TAF3: variants seen among roughly 807,000 people sequenced by gnomAD.
TAF3 encodes transcription initiation factor TFIID subunit 3.
Under a neutral mutation model 80.6 loss-of-function variants are expected in TAF3, and 7 were observed. The ratio of observed to expected loss-of-function variants is 0.09; its 90% CI spans 0.05 to 0.16. TAF3 has a LOEUF of 0.16. Ranked by LOEUF, TAF3 falls within the 10% of genes least tolerant of loss-of-function variation. TAF3 has a pLI of 1.00. For synonymous variants in TAF3, 444 were observed against 446.1 expected (o/e 1.00, Z 0.06); for missense variants, 921 against 1,140.2 (o/e 0.81, Z 2.77).
At chr10:7,899,824 T>G (rs1306483974) in intron 2 of TAF3, among the ~76,000 whole-genome samples, 1 of 152,216 alleles carries the variant, frequency 6.6e-6, no homozygotes, top group Non-Finnish European at 1.5e-5. Context: ...TAGTATGATT[T>G]CCATTATGTA....
At chr10:7,968,954 G>C (rs1831597600) in intron 3 of TAF3, among the ~76,000 whole-genome samples, 1 of 152,206 alleles carries the variant, frequency 6.6e-6, no homozygotes, top group African/African-American at 2.4e-5. Context: ...CAGACACCTA[G>C]TCAGGGTTGG....
chr10:7,887,245 A>G (rs11255425), intron 2 of TAF3, among the ~76,000 whole-genome samples: 44,045 of 150,492 alleles, frequency 0.29, 7,751 homozygotes, highest in Non-Finnish European at 0.38. Context: ...AAAAAAAAAA[A>G]AAAGAAAGAA....
At chr10:7,968,402 T>A (rs1437144359) in intron 3 of TAF3, among the ~76,000 whole-genome samples, 1 of 152,190 alleles carries the variant, frequency 6.6e-6, no homozygotes, top group Non-Finnish European at 1.5e-5. Flanking sequence ...CCAATAAAGA[T>A]GTGATTAATT....
intron 2 of TAF3, among the ~76,000 whole-genome samples, chr10:7,826,341 T>TA (rs1325837272): frequency 6.6e-6 from 1 of 152,220 alleles, no homozygotes; most frequent in East Asian, 1.9e-4. Flanking sequence ...AAAATTCTCT[T>TA]AAAGTGCTAT....
At chr10:7,999,813 C>T (rs1380813223) in intron 4 of TAF3, among the ~76,000 whole-genome samples, 1 of 152,148 alleles carries the variant, frequency 6.6e-6, no homozygotes, top group Non-Finnish European at 1.5e-5. Context: ...TTCTCTTCCC[C>T]CTCCTTTGAC....
At chr10:7,956,883 T>G (rs190670195) in intron 2 of TAF3, among the ~76,000 whole-genome samples, 1 of 152,320 alleles carries the variant, frequency 6.6e-6, no homozygotes, top group Non-Finnish European at 1.5e-5. Context: ...GTTAAGATTT[T>G]TTTGAAAATA....
At chr10:7,884,253 T>C (rs1482864341) in intron 2 of TAF3, among the ~76,000 whole-genome samples, 2 of 152,088 alleles carry the variant, frequency 1.3e-5, no homozygotes, top group African/African-American at 2.4e-5. Flanking sequence ...CCCCTCAAGC[T>C]CCCTCCTATG....
At chr10:7,839,513 T>C (rs544015462) in intron 2 of TAF3, among the ~76,000 whole-genome samples, 32 of 152,288 alleles carry the variant, frequency 2.1e-4, no homozygotes, top group Non-Finnish European at 4.3e-4. Context: ...CAAAGTCACA[T>C]GGCTGCGAAG....
chr10:7,963,496 A>C (rs1010614018), intron 2 of TAF3, among the ~76,000 whole-genome samples: 3 of 152,222 alleles, frequency 2.0e-5, no homozygotes, highest in African/African-American at 7.2e-5. Flanking sequence ...ACATGTTTGG[A>C]AGATCCTTGA....
At chr10:7,858,382 G>T (rs957732602) in intron 2 of TAF3, among the ~76,000 whole-genome samples, 1 of 152,088 alleles carries the variant, frequency 6.6e-6, no homozygotes, top group Non-Finnish European at 1.5e-5. Flanking sequence ...TCTTCCTGGC[G>T]CTTGATCCTT....
intron 2 of TAF3, among the ~76,000 whole-genome samples, chr10:7,943,470 G>A (rs1837995689): frequency 6.6e-6 from 1 of 152,098 alleles, no homozygotes; most frequent in Admixed American, 6.5e-5. Context: ...TCTTTTGCCA[G>A]CCTTAAAACC....
intron 4 of TAF3, among the ~76,000 whole-genome samples, chr10:7,990,542 A>G (rs950933001): frequency 2.6e-5 from 4 of 152,214 alleles, no homozygotes; most frequent in African/African-American, 9.7e-5. Context: ...GTATGCATGC[A>G]TACATCTGTA....
At chr10:8,011,379 G>A (rs948070296) in intron 5 of TAF3, among the ~76,000 whole-genome samples, 6 of 151,976 alleles carry the variant, frequency 3.9e-5, no homozygotes, top group Non-Finnish European at 5.9e-5. Context: ...TCAGCCTCCC[G>A]AGTAGCTGGG....
chr10:7,895,648 T>C (rs1220364714), intron 2 of TAF3, among the ~76,000 whole-genome samples: 1 of 152,184 alleles, frequency 6.6e-6, no homozygotes, highest in Non-Finnish European at 1.5e-5. Flanking sequence ...AATTGGGGCA[T>C]GATTCTAATT....
At chr10:7,852,960 T>C (rs1208632777) in intron 2 of TAF3, among the ~76,000 whole-genome samples, 2 of 152,234 alleles carry the variant, frequency 1.3e-5, no homozygotes, top group African/African-American at 4.8e-5. Context: ...TTTTTGAAAG[T>C]ATCATTATGA....
chr10:7,821,088 T>C (rs1836685764), intron 1 of TAF3, among the ~76,000 whole-genome samples: 1 of 152,220 alleles, frequency 6.6e-6, no homozygotes, highest in African/African-American at 2.4e-5. Flanking sequence ...TGACTAGGTA[T>C]TCCAAAGTCA....
chr10:7,942,411 A>G (rs1035446163), intron 2 of TAF3, among the ~76,000 whole-genome samples: 2 of 152,226 alleles, frequency 1.3e-5, no homozygotes, highest in African/African-American at 2.4e-5. Flanking sequence ...TGAAAATTAT[A>G]ATACATTTTT....
At chr10:7,914,980 G>GC (rs1837695759) in intron 2 of TAF3, among the ~76,000 whole-genome samples, 1 of 127,000 alleles carries the variant, frequency 7.9e-6, no homozygotes, top group Non-Finnish European at 1.6e-5. Context: ...TTGCTCTGTC[G>GC]CCCAGGCTGG....
chr10:7,916,789 T>C (rs1837715428), intron 2 of TAF3, among the ~76,000 whole-genome samples: 1 of 152,096 alleles, frequency 6.6e-6, no homozygotes, highest in African/African-American at 2.4e-5. Context: ...AACCCAGGAG[T>C]GTAAGTAGGT....
Sources: gnomAD v4.1 joint callset for allele counts (sites outside exome capture counted in the v4.1 genomes callset) on GRCh38, gnomAD v4.1.1 for gene constraint, MANE v1.5 for transcripts, NCBI Gene and HGNC (gene_info 2026-07-23, HGNC 2026-07-21) for gene names.